The following COBL variants were observed in gnomAD, a reference collection of about 807,000 sequenced individuals.
COBL encodes protein cordon-bleu.
Under a neutral mutation model 98.8 loss-of-function variants are expected in COBL, and 51 were observed. The observed-to-expected ratio is 0.52, with a 90% CI of 0.41 to 0.65. The LOEUF (loss-of-function observed/expected upper bound fraction) is 0.65, where lower values mean the gene tolerates loss of function less well. COBL is among the 30% of genes least tolerant of loss of function. COBL has a pLI of 0.00. For synonymous variants in COBL, 634 were observed against 651.7 expected (o/e 0.97, Z 0.41); for missense variants, 1,617 against 1,617.5 (o/e 1.00, Z 0.01).
chr7:51,263,216 T>C (rs530099131), intron 1 of COBL, among the ~76,000 whole-genome samples: 1 of 152,150 alleles, frequency 6.6e-6, no homozygotes, highest in African/African-American at 2.4e-5. Flanking sequence ...TACACTGCAC[T>C]GGGGAAAGGT....
intron 5 of COBL, 33 bp downstream of exon 5, chr7:51,184,069 G>T: frequency 9.1e-7 from 1 of 1,097,272 alleles, no homozygotes; most frequent in Admixed American, 2.8e-5. Context: ...TTTTTTACAT[G>T]ATACAAAATC....
intron 6 of COBL, among the ~76,000 whole-genome samples, chr7:51,129,414 T>C (rs1372669148): frequency 1.3e-5 from 2 of 151,990 alleles, no homozygotes; most frequent in Non-Finnish European, 2.9e-5. Context: ...AACATTATCA[T>C]GTTTGGAGTT....
chr7:51,069,275 C>A (rs766987320), intron 7 of COBL, among the ~76,000 whole-genome samples: 1 of 152,198 alleles, frequency 6.6e-6, no homozygotes, highest in African/African-American at 2.4e-5. Context: ...ACTTCCACCA[C>A]CAACTACACT....
chr7:51,142,895 G>A (rs1427540904), intron 5 of COBL, among the ~76,000 whole-genome samples: 2 of 152,122 alleles, frequency 1.3e-5, no homozygotes, highest in South Asian at 2.1e-4. Flanking sequence ...GATGACATGC[G>A]ATGTGTGTCC....
intron 7 of COBL, chr7:51,073,479 T>G: frequency 1.8e-6 from 1 of 556,910 alleles, no homozygotes; most frequent in Admixed American, 2.7e-5. Context: ...CCTGGAGATT[T>G]AACACTGCAT....
chr7:51,046,307 G>T (rs1268198756), intron 7 of COBL, among the ~76,000 whole-genome samples: 1 of 152,180 alleles, frequency 6.6e-6, no homozygotes, highest in Non-Finnish European at 1.5e-5. Context: ...GCTTTGAGGA[G>T]GGTGATGGAG....
chr7:51,085,732 T>G (rs1164966321), intron 6 of COBL, among the ~76,000 whole-genome samples: 3 of 152,156 alleles, frequency 2.0e-5, no homozygotes, highest in Admixed American at 1.3e-4. Context: ...GAGGAAGAGC[T>G]GATGGGGGCA....
At chr7:51,298,673 G>A (rs1384964152) in intron 1 of COBL, among the ~76,000 whole-genome samples, 2 of 152,198 alleles carry the variant, frequency 1.3e-5, no homozygotes, top group African/African-American at 2.4e-5. Context: ...ATACACAGAT[G>A]TTGGGACTCC....
At chr7:51,141,738 C>A (rs1799770695) in intron 5 of COBL, among the ~76,000 whole-genome samples, 1 of 151,644 alleles carries the variant, frequency 6.6e-6, no homozygotes, top group Non-Finnish European at 1.5e-5. Flanking sequence ...GTTGACAGGA[C>A]TCAAGGCAGA....
chr7:51,089,468 T>C (rs1377484262), intron 6 of COBL, among the ~76,000 whole-genome samples: 1 of 152,012 alleles, frequency 6.6e-6, no homozygotes, highest in African/African-American at 2.4e-5. Context: ...TGAGCCGAGA[T>C]CATGCCAGTG....
At chr7:51,075,832 T>A (rs531295757) in intron 7 of COBL, among the ~76,000 whole-genome samples, 1 of 152,366 alleles carries the variant, frequency 6.6e-6, no homozygotes, top group South Asian at 2.1e-4. Flanking sequence ...CTAAGCTACA[T>A]CCAATCTTCA....
At chr7:51,020,361 AC>A (rs924112108) in intron 12 of COBL, among the ~76,000 whole-genome samples, 2 of 151,966 alleles carry the variant, frequency 1.3e-5, no homozygotes, top group African/African-American at 4.8e-5. Context: ...TCAATAGCAG[AC>A]CCCGCACCCC....
intron 1 of COBL, among the ~76,000 whole-genome samples, chr7:51,245,802 C>T (rs894193592): frequency 9.9e-5 from 15 of 152,250 alleles, no homozygotes; most frequent in African/African-American, 3.4e-4. Context: ...AAAGGCACCT[C>T]GCAAACCATA....
intron 1 of COBL, among the ~76,000 whole-genome samples, chr7:51,311,675 C>T (rs919692763): frequency 1.3e-5 from 2 of 152,026 alleles, no homozygotes; most frequent in African/African-American, 2.4e-5. Context: ...AATCCAGAAA[C>T]ACTCAAGTGA....
rs1210716302 is a variant in COBL, at chr7:51,043,653, T to C, written c.1136A>G (p.Asp379Gly). 3 of 1,614,132 alleles carry C rather than the reference T, an allele frequency of 1.9e-6. No homozygotes were observed. Among genetic ancestry groups the C allele is most frequent in the Non-Finnish European group, 1.7e-6 (2 of 1,180,044 alleles). ...PLGSGSHCSP[D>G]GAPQVLSEAE... ...CTCTGACAGCACCTGCGGGGCTCCA[T>C]CCGGGCTGCAGTGGCTGCCAGACCC... Residue 379 changes from aspartate (D) to glycine (G), a missense_variant, in exon 8 of 13, where the codon GAT (aspartate) becomes GGT (glycine). Transcript: ENST00000265136.
At chr7:51,275,336 T>C (rs1045463904) in intron 1 of COBL, among the ~76,000 whole-genome samples, 7 of 152,338 alleles carry the variant, frequency 4.6e-5, no homozygotes, top group African/African-American at 1.7e-4. Context: ...TCCTGGTTTT[T>C]TCCCTCTGCC....
chr7:51,277,997 C>A (rs188330144), intron 1 of COBL, among the ~76,000 whole-genome samples: 2 of 152,264 alleles, frequency 1.3e-5, no homozygotes, highest in African/African-American at 4.8e-5. Context: ...TCTGTGCCTG[C>A]GTGAAGTACA....
intron 12 of COBL, among the ~76,000 whole-genome samples, chr7:51,018,906 ATATATATATATATATATATATATATATAT>A (rs1161035027): frequency 0.081 from 2,741 of 33,794 alleles, 407 homozygotes; most frequent in South Asian, 0.16. Flanking sequence ...AAAAAAAAAA[ATATATATATATATATATATATATATATAT>A]ATATATATAT....
chr7:51,018,203 T>TGGC (rs771532674), intron 12 of COBL, among the ~76,000 whole-genome samples: 2 of 151,954 alleles, frequency 1.3e-5, no homozygotes, highest in Non-Finnish European at 2.9e-5. Context: ...GTGGTGGTGA[T>TGGC]GGCGGTGGTT....
Sources: allele counts gnomAD v4.1 joint callset (sites outside exome capture counted in the v4.1 genomes callset), GRCh38; gene constraint gnomAD v4.1.1; transcripts MANE v1.5; gene names NCBI Gene and HGNC (gene_info 2026-07-23, HGNC 2026-07-21).